MYO1D: variants seen among roughly 807,000 people sequenced by gnomAD.
MYO1D encodes the protein myosin ID.
In MYO1D, 83 loss-of-function variants were observed where a neutral mutation model predicts 122.0. That is an observed-to-expected ratio of 0.68 (90% CI 0.57 to 0.82). The LOEUF (loss-of-function observed/expected upper bound fraction) is 0.82, where lower values mean the gene tolerates loss of function less well. MYO1D is among the 40% of genes least tolerant of loss of function. The pLI, the probability that MYO1D is intolerant of heterozygous loss-of-function variation, is 0.00. For synonymous variants in MYO1D, 464 were observed against 446.9 expected (o/e 1.04, Z -0.48); for missense variants, 1,157 against 1,269.5 (o/e 0.91, Z 1.35).
At chr17:32,508,120 C>G (rs1245363619) in intron 21 of MYO1D, among the ~76,000 whole-genome samples, 6 of 151,892 alleles carry the variant, frequency 4.0e-5, no homozygotes, top group African/African-American at 1.5e-4. Flanking sequence ...TGGTCTTGAA[C>G]TCCTGACCTC....
At chr17:32,872,690 A>ATTT (rs780676467) in intron 1 of MYO1D, among the ~76,000 whole-genome samples, 2 of 136,324 alleles carry the variant, frequency 1.5e-5, no homozygotes, top group Non-Finnish European at 1.6e-5. Context: ...ATCTAGGTCA[A>ATTT]TTTTTTTTTT....
At chr17:32,869,740 G>T (rs1428059634) in intron 1 of MYO1D, among the ~76,000 whole-genome samples, 2 of 151,872 alleles carry the variant, frequency 1.3e-5, no homozygotes, top group Non-Finnish European at 2.9e-5. Context: ...AAGCCAAAGT[G>T]TATCTCTTTA....
At chr17:32,721,546 C>T (rs558311255) in intron 14 of MYO1D, among the ~76,000 whole-genome samples, 3 of 152,128 alleles carry the variant, frequency 2.0e-5, no homozygotes, top group African/African-American at 4.8e-5. Flanking sequence ...CAGCAGCTAA[C>T]GATGAAAATG....
At chr17:32,539,880 C>T (rs1428581619) in intron 21 of MYO1D, among the ~76,000 whole-genome samples, 2 of 152,144 alleles carry the variant, frequency 1.3e-5, no homozygotes, top group Non-Finnish European at 1.5e-5. Context: ...TTAGGTCATT[C>T]TACAACTTTA....
intron 21 of MYO1D, among the ~76,000 whole-genome samples, chr17:32,513,676 C>A (rs775245875): frequency 6.6e-6 from 1 of 152,164 alleles, no homozygotes; most frequent in African/African-American, 2.4e-5. Context: ...TCAGCACTTA[C>A]AATATTACAG....
chr17:32,724,359 CG>C (rs1297352383), intron 14 of MYO1D, among the ~76,000 whole-genome samples: 1 of 152,104 alleles, frequency 6.6e-6, no homozygotes, highest in Non-Finnish European at 1.5e-5. Flanking sequence ...AATGAAGATA[CG>C]GGGGCTTTCT....
At chr17:32,751,854 A>C (rs914963362) in intron 11 of MYO1D, among the ~76,000 whole-genome samples, 1 of 152,188 alleles carries the variant, frequency 6.6e-6, no homozygotes, top group African/African-American at 2.4e-5. Context: ...ATACTGACCA[A>C]AGCAATCTAA....
At chr17:32,557,729 GATGGTAA>G (rs1445067579) in intron 21 of MYO1D, among the ~76,000 whole-genome samples, 1 of 151,978 alleles carries the variant, frequency 6.6e-6, no homozygotes, top group Non-Finnish European at 1.5e-5. Flanking sequence ...TAAGAGGAAA[GATGGTAA>G]ATATTTCAGC....
chr17:32,782,744 T>C (rs575186005), intron 1 of MYO1D, among the ~76,000 whole-genome samples: 23 of 152,296 alleles, frequency 1.5e-4, no homozygotes, highest in African/African-American at 5.3e-4. Flanking sequence ...GAGACCAGCC[T>C]GGGCAACATA....
At chr17:32,502,434 G>A (rs1373844847) in intron 21 of MYO1D, among the ~76,000 whole-genome samples, 3 of 152,188 alleles carry the variant, frequency 2.0e-5, no homozygotes, top group Non-Finnish European at 2.9e-5. Flanking sequence ...ACTGCTTAGA[G>A]GGCATAGGGT....
At chr17:32,553,315 T>C (rs1460529853) in intron 21 of MYO1D, among the ~76,000 whole-genome samples, 2 of 151,946 alleles carry the variant, frequency 1.3e-5, no homozygotes. Flanking sequence ...CACAACAGTG[T>C]TGAGTGAATT....
chr17:32,592,486 T>A (rs2087447347), intron 21 of MYO1D, among the ~76,000 whole-genome samples: 1 of 152,194 alleles, frequency 6.6e-6, no homozygotes, highest in Non-Finnish European at 1.5e-5. Context: ...ACCTAATTCT[T>A]CTATGATTTC....
intron 1 of MYO1D, among the ~76,000 whole-genome samples, chr17:32,874,328 C>CTCTCTCTCTTTGTGTCTCTG (rs2091210271): frequency 1.3e-5 from 2 of 151,718 alleles, no homozygotes; most frequent in African/African-American, 2.4e-5. Flanking sequence ...GTGTCTCTGT[C>CTCTCTCTCTTTGTGTCTCTG]TCTCTCTGTT....
At chr17:32,725,638 A>C (rs2150994723) in intron 14 of MYO1D, among the ~76,000 whole-genome samples, 1 of 152,252 alleles carries the variant, frequency 6.6e-6, no homozygotes, top group South Asian at 2.1e-4. Flanking sequence ...TAAAGATGGG[A>C]GGCTAAGAGG....
intron 1 of MYO1D, among the ~76,000 whole-genome samples, chr17:32,782,717 C>T (rs1598095096): frequency 6.6e-6 from 1 of 152,194 alleles, no homozygotes; most frequent in South Asian, 2.1e-4. Flanking sequence ...AGGTGGATTA[C>T]TTGAGACCAG....
chr17:32,573,725 A>G (rs112326009), intron 21 of MYO1D, among the ~76,000 whole-genome samples: 2,275 of 152,030 alleles, frequency 0.015, 61 homozygotes, highest in African/African-American at 0.052. Flanking sequence ...GGGCCTTCTT[A>G]TATTCCCCAG....
At chr17:32,818,323 T>G (rs1370946537) in intron 1 of MYO1D, among the ~76,000 whole-genome samples, 1 of 152,032 alleles carries the variant, frequency 6.6e-6, no homozygotes, top group Non-Finnish European at 1.5e-5. Context: ...TCTCTGACCA[T>G]TCTTCCCAGC....
At chr17:32,507,335 T>G (rs976030754) in intron 21 of MYO1D, among the ~76,000 whole-genome samples, 1 of 152,046 alleles carries the variant, frequency 6.6e-6, no homozygotes, top group Non-Finnish European at 1.5e-5. Context: ...GCCTGGGAGG[T>G]TGAGGCTGCA....
chr17:32,848,812 G>A (rs2090960348), intron 1 of MYO1D, among the ~76,000 whole-genome samples: 1 of 152,100 alleles, frequency 6.6e-6, no homozygotes, highest in African/African-American at 2.4e-5. Context: ...CAGTGCAGTA[G>A]TCCCATGTCT....
Sources: allele counts gnomAD v4.1 joint callset (sites outside exome capture counted in the v4.1 genomes callset), GRCh38; gene constraint gnomAD v4.1.1; transcripts MANE v1.5; gene names NCBI Gene and HGNC (gene_info 2026-07-23, HGNC 2026-07-21).